The following TCF12 variants were observed in gnomAD, a reference collection of about 807,000 sequenced individuals.
The protein encoded by TCF12 is DNA-binding protein HTF4.
Under a neutral mutation model 86.0 loss-of-function variants are expected in TCF12, and 45 were observed. The ratio of observed to expected loss-of-function variants is 0.52; its 90% CI spans 0.41 to 0.67. The LOEUF is 0.67. Among genes scored for constraint, TCF12 ranks in the 30% least tolerant of loss-of-function variants. TCF12 has a pLI of 0.00. For missense variants in TCF12, 881 were observed against 859.9 expected (o/e 1.02, Z -0.31); for synonymous variants, 330 against 299.6 (o/e 1.10, Z -1.05).
chr15:56,919,685 G>A lies in TCF12; in HGVS notation c.-22-207G>A. 1.3e-5 allele frequency: 5 copies of A among 398,984 alleles called. No homozygotes were observed. In the South Asian group the frequency reaches 1.5e-4, roughly 12 times the overall value. 24.7% of individuals were successfully genotyped at this position (398,984 alleles called of 1,614,324 possible). A position where few individuals can be genotyped will look rare whatever the true frequency, so the allele number is the denominator to read the frequency against. ...AGCCGCCGCGTCGATCTCGGGCCGC[G>A]GCGAGGAACGCGTGGATTCCGGGAC... On this transcript the variant is annotated intron_variant, in intron 1 of 20. Transcript: ENST00000333725.
intron 3 of TCF12, among the ~76,000 whole-genome samples, chr15:57,026,245 A>T (rs942674822): frequency 1.3e-5 from 2 of 152,212 alleles, no homozygotes; most frequent in Non-Finnish European, 2.9e-5. Flanking sequence ...GTAAAAACAG[A>T]TAGTGGGCTG....
intron 4 of TCF12, among the ~76,000 whole-genome samples, chr15:57,074,318 T>A (rs921247447): frequency 6.6e-6 from 1 of 151,126 alleles, no homozygotes; most frequent in Non-Finnish European, 1.5e-5. Flanking sequence ...TACATTGTTC[T>A]TCTTTTTACA....
At chr15:57,269,052 G>C (rs1489187607) in intron 18 of TCF12, among the ~76,000 whole-genome samples, 1 of 152,142 alleles carries the variant, frequency 6.6e-6, no homozygotes, top group Non-Finnish European at 1.5e-5. Context: ...GCTTGGTCCA[G>C]AGCTGAGTTC....
chr15:57,052,536 C>G (rs1567325087), intron 3 of TCF12, among the ~76,000 whole-genome samples: 1 of 150,920 alleles, frequency 6.6e-6, no homozygotes, highest in African/African-American at 2.4e-5. Flanking sequence ...ACTCGGGAGG[C>G]TGAGGCAAGA....
At chr15:57,143,810 A>C (rs1284327486) in intron 5 of TCF12, among the ~76,000 whole-genome samples, 1 of 152,202 alleles carries the variant, frequency 6.6e-6, no homozygotes, top group Non-Finnish European at 1.5e-5. Context: ...TAAGCAAATG[A>C]CTTTTTGTAA....
chr15:57,110,681 C>T (rs2050427037), intron 5 of TCF12, among the ~76,000 whole-genome samples: 1 of 152,140 alleles, frequency 6.6e-6, no homozygotes, highest in African/African-American at 2.4e-5. Flanking sequence ...GAAGTTCAGT[C>T]TATCTTTACA....
chr15:56,996,024 C>T (rs898661527), intron 3 of TCF12, among the ~76,000 whole-genome samples: 2 of 152,154 alleles, frequency 1.3e-5, no homozygotes, highest in Non-Finnish European at 2.9e-5. Flanking sequence ...AAAGCTTTTT[C>T]TGCATCTATT....
At chr15:56,925,548 T>C (rs189395419) in intron 3 of TCF12, among the ~76,000 whole-genome samples, 1 of 152,352 alleles carries the variant, frequency 6.6e-6, no homozygotes, top group East Asian at 1.9e-4. Flanking sequence ...CAATGCTGTC[T>C]TATTAAAGCC....
chr15:57,273,857 G>T (rs145734874), intron 19 of TCF12, among the ~76,000 whole-genome samples: 1 of 152,094 alleles, frequency 6.6e-6, no homozygotes, highest in Non-Finnish European at 1.5e-5. Flanking sequence ...AGCTCACCCA[G>T]TGCTGACTCA....
intron 3 of TCF12, among the ~76,000 whole-genome samples, chr15:56,985,887 G>T (rs2063156328): frequency 6.6e-6 from 1 of 152,074 alleles, no homozygotes; most frequent in South Asian, 2.1e-4. Context: ...AAACCAACAG[G>T]ACCAACTGTG....
intron 3 of TCF12, among the ~76,000 whole-genome samples, chr15:57,046,919 T>G (rs1322599538): frequency 6.6e-6 from 1 of 152,196 alleles, no homozygotes; most frequent in African/African-American, 2.4e-5. Flanking sequence ...CATAAACTCA[T>G]ATTTTACCCA....
chr15:56,931,892 T>C (rs535213435), intron 3 of TCF12, among the ~76,000 whole-genome samples: 66 of 152,310 alleles, frequency 4.3e-4, no homozygotes, highest in African/African-American at 1.5e-3. Flanking sequence ...GCTTGTACTG[T>C]TGCTAGTGTT....
At chr15:57,072,669 G>A in intron 4 of TCF12, 1 of 1,306,948 alleles carries the variant, frequency 7.7e-7, no homozygotes, top group Non-Finnish European at 1.0e-6. Context: ...TACACGAGAT[G>A]AAGCAGTTAA....
chr15:57,192,336 G>A, intron 7 of TCF12, 43 bp downstream of exon 7: 1 of 1,579,484 alleles, frequency 6.3e-7, no homozygotes. Context: ...ATATGTTGTT[G>A]TTGTTTTTTC....
chr15:57,133,238 A>T (rs539635839), intron 5 of TCF12, among the ~76,000 whole-genome samples: 1 of 152,378 alleles, frequency 6.6e-6, no homozygotes, highest in South Asian at 2.1e-4. Flanking sequence ...ATCTTCAAAT[A>T]GGAAGAAGTT....
Position 57,077,325 on chromosome 15 carries a change from ATATGTGTGTGTGTG to A in TCF12, c.222+13504_222+13517del, listed in dbSNP as rs1295799227. On this transcript the variant is annotated intron_variant, in intron 4 of 20. Coordinates refer to ENST00000333725, the MANE Select transcript of TCF12 (RefSeq NM_207037.2). Reference sequence around the variant, plus strand: ...ATTTACTTTCCATATATATGTATATATATGTGTGTGTGTGTGTGTGTGTGTGTGTGTGTGTGTGT... The same window carrying A: ...ATTTACTTTCCATATATATGTATATATGTGTGTGTGTGTGTGTGTGTGTGT... Among the ~76,000 whole-genome samples the A allele has an allele frequency of 7.4e-3, 939 of 127,252 alleles. 58 individuals carry two copies. The highest frequency in any genetic ancestry group is 0.014 in the South Asian group (58 of 4,100). 83.5% of individuals were successfully genotyped at this position (127,252 alleles called of 152,430 possible). A position where few individuals can be genotyped will look rare whatever the true frequency, so the allele number is the denominator to read the frequency against.
chr15:57,137,836 G>C (rs1240305164), intron 5 of TCF12, among the ~76,000 whole-genome samples: 1 of 152,094 alleles, frequency 6.6e-6, no homozygotes, highest in Non-Finnish European at 1.5e-5. Context: ...AAACCAGCCT[G>C]GCCAACCTGG....
intron 3 of TCF12, among the ~76,000 whole-genome samples, chr15:56,934,059 T>G (rs1178990763): frequency 2.6e-5 from 4 of 152,058 alleles, no homozygotes; most frequent in African/African-American, 9.7e-5. Flanking sequence ...TGGGGGAAAT[T>G]GAAGCACTAA....
chr15:56,943,134 T>A (rs2060851586), intron 3 of TCF12, among the ~76,000 whole-genome samples: 1 of 152,204 alleles, frequency 6.6e-6, no homozygotes, highest in South Asian at 2.1e-4. Flanking sequence ...ATGTAAATGA[T>A]GCATAGCCTC....
Sources: allele counts gnomAD v4.1 joint callset (sites outside exome capture counted in the v4.1 genomes callset), GRCh38; gene constraint gnomAD v4.1.1; transcripts MANE v1.5; gene names NCBI Gene and HGNC (gene_info 2026-07-23, HGNC 2026-07-21).